KIFC2: variants seen among roughly 807,000 people sequenced by gnomAD.
The protein encoded by KIFC2 is kinesin-like protein KIFC2.
A neutral mutation model predicts 91.5 loss-of-function variants in KIFC2; 94 were observed. The observed-to-expected ratio is 1.03, with a 90% CI of 0.87 to 1.22. The LOEUF is 1.22. Ranked by LOEUF, KIFC2 falls within the 50% of genes most tolerant of loss-of-function variation. The probability of loss-of-function intolerance (pLI) is 0.00; values close to 1 mark genes in which losing one functional copy is unlikely to be tolerated. For missense variants in KIFC2, 1,357 were observed against 1,103.3 expected (o/e 1.23, Z -3.26); for synonymous variants, 729 against 503.9 (o/e 1.45, Z -5.98).
chr8:144,467,838 C>T (rs1824746290), intron 6 of KIFC2, 21 bp from the exon 7 acceptor site: 1 of 1,613,434 alleles, frequency 6.2e-7, no homozygotes, highest in Non-Finnish European at 8.5e-7. Context: ...CAGGTGAGTG[C>T]CGAGGTTTCC....
chr8:144,473,731 A>T lies in KIFC2; in HGVS notation c.*342A>T. On this transcript the variant is annotated 3_prime_UTR_variant, in exon 18 of 18. Transcript: ENST00000645548. ...TCCTGACCCAAAAATCAGGCATGGC[A>T]TTAAAACGTTGCAAATTCCTTTACT... is the stretch of plus-strand genomic sequence containing the variant. 1 of 453,728 alleles carries T rather than the reference A, an allele frequency of 2.2e-6. No individual in the cohort carries two copies. The allele number at this position is 453,728 out of a possible 1,614,324, so 28.1% of individuals were successfully genotyped here. A position where few individuals can be genotyped will look rare whatever the true frequency, so the allele number is the denominator to read the frequency against.
rs767299393 is a variant in KIFC2 at position 144,469,574 on chromosome 8, C to G, written c.1307C>G (p.Thr436Ser). ...SVEPGPGGTV[T>S]TCYRGRHRRF... ...GAGCCTGGCCCAGGGGGCACCGTCA[C>G]CACCTGCTACCGGGGGCGCCATCGT... Residue 436 changes from threonine to serine, a missense_variant, in exon 12 of 18, where the codon ACC (threonine) becomes AGC (serine). Coordinates refer to ENST00000645548, the MANE Select transcript of KIFC2 (RefSeq NM_001369769.2). 3.1e-6 allele frequency: 5 copies of G among 1,613,400 alleles called. No homozygotes were observed. The South Asian group carries it at 5.5e-5, about 18-fold the overall frequency.
At position 144,467,538 on chromosome 8, in the gene KIFC2, C is replaced by T. The variant is rs750739858; in HGVS notation, c.523C>T (p.Pro175Ser). 1 of 1,603,194 alleles carries T rather than the reference C, an allele frequency of 6.2e-7. No individual in the cohort carries two copies. The highest frequency in any genetic ancestry group is 2.2e-5 in the East Asian group (1 of 44,826). ...PSHFTAVPGE[P>S]LGDETQGQQP... is the part of the protein sequence containing the mutation. ...CCACTTCACCGCAGTCCCAGGCGAG[C>T]CACTGGGGGATGAGACCCAGGGACA... The change falls in exon 5 of 18, where the codon CCA (proline) becomes TCA (serine). Residue 175 changes from proline (P) to serine (S), a missense_variant. Transcript: ENST00000645548.
In KIFC2 at chr8:144,467,703, C is replaced by G. The variant is rs369828636; in HGVS notation, c.616-11C>G. The G allele has an allele frequency of 1.9e-6, 3 of 1,613,570 alleles. No individual in the cohort carries two copies. The highest frequency in any genetic ancestry group is 2.2e-5 in the South Asian group (2 of 91,058). ...AAGGAGGTCCACCCTGTCTCTCTTA[C>G]TTCTCCCCAGCTGGAGGAGCTGAAG... is the stretch of plus-strand genomic sequence containing the variant. On this transcript the variant is annotated splice_polypyrimidine_tract_variant and intron_variant, in intron 5 of 17. Coordinates refer to ENST00000645548, the MANE Select transcript of KIFC2 (RefSeq NM_001369769.2).
Position 144,472,010 on chromosome 8 carries a change from T to A in KIFC2, c.1449T>A (p.Tyr483Ter). 1 of 1,613,532 alleles carries A rather than the reference T, an allele frequency of 6.2e-7. No individual in the cohort carries two copies. The highest frequency in any genetic ancestry group is 8.5e-7 in the Non-Finnish European group (1 of 1,180,018). Residue 483 changes from tyrosine (Y) to a stop codon, truncating the protein, a stop_gained, in exon 13 of 18, where the codon TAT (tyrosine) becomes TAA (stop). Transcript: ENST00000645548. LOFTEE classifies it high-confidence loss of function. The part of the protein sequence containing the change: ...LRGYSVCIFT[Y>*]GQTGTGKTYS... ...GCTACAGCGTCTGCATCTTCACCTATGGCCAGACAGGCACCGGGAAGACCT... is the reference window on the plus strand; with the variant it reads ...GCTACAGCGTCTGCATCTTCACCTAAGGCCAGACAGGCACCGGGAAGACCT...
At chr8:144,470,241 C>G (rs894892358) in intron 12 of KIFC2, among the ~76,000 whole-genome samples, 14 of 139,684 alleles carry the variant, frequency 1.0e-4, no homozygotes, top group African/African-American at 3.4e-4. Flanking sequence ...GACGACTGCC[C>G]AGCAGGTGGC....
At chr8:144,468,015 C>G (rs1564747483) in intron 7 of KIFC2, 28 bp downstream of exon 7, 3 of 1,511,142 alleles carry the variant, frequency 2.0e-6, no homozygotes, top group Non-Finnish European at 1.8e-6. Flanking sequence ...TGCAGCCGTT[C>G]CTGCAGCCTG....
In KIFC2 at chr8:144,472,681, T is replaced by G; in HGVS notation, c.1836T>G (p.Ser612=). The change falls in exon 16 of 18, where the codon TCT becomes TCG. Residue 612 remains serine, a synonymous_variant. Transcript: ENST00000645548. ...TCACGCTGACGCTGCGCGCGGCGTC[T>G]CCACCGCGCGCTCCAGGCACCGCAG... ...ALVTLTLRAA[S]PPRAPGTAGT... 1 of 1,595,634 alleles carries G rather than the reference T, an allele frequency of 6.3e-7. No individual in the cohort carries two copies. Among genetic ancestry groups the G allele is most frequent in the Non-Finnish European group, 8.5e-7 (1 of 1,178,078 alleles).
At chr8:144,468,980 A>C (rs983433090) in intron 10 of KIFC2, 146 bp downstream of exon 10, 1 of 670,914 alleles carries the variant, frequency 1.5e-6, no homozygotes, top group South Asian at 1.9e-5. Flanking sequence ...GTGGGATTCC[A>C]CTTCTGGGCC....
chr8:144,466,666 A>T, intron 1 of KIFC2, 94 bp from the exon 2 acceptor site: 1 of 1,120,188 alleles, frequency 8.9e-7, no homozygotes, highest in East Asian at 3.1e-5. Flanking sequence ...GGAAGCGTAG[A>T]CTTCGGCCCC....
rs1304020906 is a variant in KIFC2, at chr8:144,473,119, C to T, written c.2119-13C>T. 1.3e-6 allele frequency: 2 copies of T among 1,551,626 alleles called. No individual in the cohort carries two copies. The highest frequency in any genetic ancestry group is 1.7e-6 in the Non-Finnish European group (2 of 1,148,682). The stretch of plus-strand genomic sequence containing the variant: ...CCCACCCGGGCCCGCCCACCCGCGC[C>T]TCTTGCCCGCAGATCTCCACGCGGC... On this transcript the variant is annotated splice_polypyrimidine_tract_variant and intron_variant, in intron 17 of 17. Transcript: ENST00000645548.
chr8:144,468,593 C>G lies in KIFC2; in HGVS notation c.946C>G (p.Gln316Glu), dbSNP rs1224321319. The change falls in exon 9 of 18, where the codon CAG becomes GAG. Residue 316 changes from glutamine to glutamate, a missense_variant. Transcript: ENST00000645548. ...GLQGALQQLQ[Q>E]ETEQNCRREL... ...TCAAGGGGCCCTCCAGCAGCTCCAG[C>G]AGGAGACGGAGCAGAACTGCAGGCG... The G allele has an allele frequency of 6.2e-7, 1 of 1,611,934 alleles. No homozygotes were observed. The highest frequency in any genetic ancestry group is 1.3e-5 in the African/African-American group (1 of 74,868).
chr8:144,469,667 G>T lies in KIFC2; in HGVS notation c.1380+20G>T. ...GAGGAGGTGACAGCCTGCCTTTGCA[G>T]CCATCCTGACCCTTTTTCAGAGTTC... is the stretch of plus-strand genomic sequence containing the variant. On this transcript the variant is annotated intron_variant, in intron 12 of 17. Coordinates refer to ENST00000645548, the MANE Select transcript of KIFC2 (RefSeq NM_001369769.2). The T allele has an allele frequency of 1.3e-6, 2 of 1,575,156 alleles. No individual in the cohort carries two copies. Among genetic ancestry groups the T allele is most frequent in the Non-Finnish European group, 8.6e-7 (1 of 1,163,440 alleles).
intron 2 of KIFC2, 50 bp from the exon 3 acceptor site, chr8:144,466,909 G>C: frequency 6.4e-7 from 1 of 1,563,158 alleles, no homozygotes; most frequent in Non-Finnish European, 8.6e-7. Context: ...CGGAGGCCTG[G>C]CTCAAGCACG....
At position 144,473,129 on chromosome 8, in the gene KIFC2, C is replaced by T; in HGVS notation, c.2119-3C>T. Reference sequence around the variant, plus strand: ...CCCGCCCACCCGCGCCTCTTGCCCGCAGATCTCCACGCGGCCGGAGGATCT... The same window carrying T: ...CCCGCCCACCCGCGCCTCTTGCCCGTAGATCTCCACGCGGCCGGAGGATCT... On this transcript the variant is annotated splice_region_variant and splice_polypyrimidine_tract_variant and intron_variant, in intron 17 of 17. Transcript: ENST00000645548. 6.4e-7 allele frequency: 1 copy of T among 1,556,670 alleles called. No individual in the cohort carries two copies. Among genetic ancestry groups the T allele is most frequent in the Non-Finnish European group, 8.7e-7 (1 of 1,151,312 alleles).
Position 144,472,394 on chromosome 8 carries a change from G to A in KIFC2, c.1641G>A (p.Leu547=), listed in dbSNP as rs1247635004. ...TTGCTCCAGGGCCTCCCGAGCGCCT[G>A]GCCGTGAGGCAGGGCCCAGAAGGCC... The part of the protein sequence containing the change: ...DLLAPGPPER[L]AVRQGPEGQG... Residue 547 remains leucine (L), a synonymous_variant, in exon 15 of 18, where the codon CTG becomes CTA. Coordinates refer to ENST00000645548, the MANE Select transcript of KIFC2 (RefSeq NM_001369769.2). 1 of 1,613,304 alleles carries A rather than the reference G, an allele frequency of 6.2e-7. No homozygotes were observed. The highest frequency in any genetic ancestry group is 8.5e-7 in the Non-Finnish European group (1 of 1,179,928).
In KIFC2 at chr8:144,474,055, G is replaced by A. The variant is rs1219375520; in HGVS notation, c.*666G>A. On this transcript the variant is annotated 3_prime_UTR_variant, in exon 18 of 18. Coordinates refer to ENST00000645548, the MANE Select transcript of KIFC2 (RefSeq NM_001369769.2). ...AACAGGCATGACAGACCAGGGTGAGGGTTGTGCCCAGCTGGGCCACGGCCA... is the reference window on the plus strand; with the variant it reads ...AACAGGCATGACAGACCAGGGTGAGAGTTGTGCCCAGCTGGGCCACGGCCA... 1.2e-5 allele frequency: 7 copies of A among 600,696 alleles called. No homozygotes were observed. The highest frequency in any genetic ancestry group is 3.0e-5 in the Admixed American group (1 of 33,734). The allele number at this position is 600,696 out of a possible 1,614,324, so 37.2% of individuals were successfully genotyped here.
intron 15 of KIFC2, 27 bp from the exon 16 acceptor site, chr8:144,472,550 T>A: frequency 6.2e-7 from 1 of 1,612,016 alleles, no homozygotes; most frequent in Non-Finnish European, 8.5e-7. Context: ...ACCCTGCACC[T>A]GACCAGCCCT....
At chr8:144,468,140 C>T (rs1824762412) in intron 7 of KIFC2, 153 bp downstream of exon 7, 3 of 1,115,502 alleles carry the variant, frequency 2.7e-6, no homozygotes, top group East Asian at 2.6e-5. Flanking sequence ...GAAGACCCCC[C>T]TCTCCGTGGC....
Sources: allele counts gnomAD v4.1 joint callset (sites outside exome capture counted in the v4.1 genomes callset), GRCh38; gene constraint gnomAD v4.1.1; transcripts MANE v1.5; gene names NCBI Gene and HGNC (gene_info 2026-07-23, HGNC 2026-07-21).